The following MIPOL1 variants were observed in gnomAD, a reference collection of about 807,000 sequenced individuals.
MIPOL1 encodes mirror-image polydactyly 1.
In MIPOL1, 57 loss-of-function variants were observed where a neutral mutation model predicts 60.9. The observed-to-expected ratio is 0.94, with a 90% CI of 0.76 to 1.17. The LOEUF (loss-of-function observed/expected upper bound fraction) is 1.17, where lower values mean the gene tolerates loss of function less well. Among genes scored for constraint, MIPOL1 ranks in the 50% most tolerant of loss-of-function variants. The pLI, the probability that MIPOL1 is intolerant of heterozygous loss-of-function variation, is 0.00. For missense variants in MIPOL1, 551 were observed against 511.6 expected (o/e 1.08, Z -0.74); for synonymous variants, 179 against 168.8 (o/e 1.06, Z -0.47).
At chr14:37,422,738 A>T (rs969851483) in intron 10 of MIPOL1, 117 bp from the exon 11 acceptor site, 4 of 670,902 alleles carry the variant, frequency 6.0e-6, no homozygotes, top group Non-Finnish European at 7.6e-6. Context: ...TGCTAAAAAC[A>T]TTCATAGGTT....
chr14:37,238,803 A>T (rs1971901727), intron 1 of MIPOL1, among the ~76,000 whole-genome samples: 2 of 151,260 alleles, frequency 1.3e-5, no homozygotes. Context: ...AAAAAAAAAA[A>T]ATTAGATGGG....
At chr14:37,312,303 G>T (rs922962808) in intron 9 of MIPOL1, among the ~76,000 whole-genome samples, 1 of 152,022 alleles carries the variant, frequency 6.6e-6, no homozygotes, top group East Asian at 1.9e-4. Context: ...TAGAGATGGG[G>T]TTTCATCATG....
chr14:37,448,781 A>T (rs751969430), intron 11 of MIPOL1, among the ~76,000 whole-genome samples: 1 of 152,230 alleles, frequency 6.6e-6, no homozygotes, highest in Admixed American at 6.5e-5. Flanking sequence ...ACTGTTAATT[A>T]TACTAAAAAA....
intron 10 of MIPOL1, among the ~76,000 whole-genome samples, chr14:37,374,656 G>T (rs2092726383): frequency 6.6e-6 from 1 of 152,054 alleles, no homozygotes; most frequent in Non-Finnish European, 1.5e-5. Context: ...TTTCCCGATT[G>T]CTTGTTTTTT....
intron 11 of MIPOL1, among the ~76,000 whole-genome samples, chr14:37,457,198 G>A (rs2094486421): frequency 6.6e-6 from 1 of 152,152 alleles, no homozygotes; most frequent in Non-Finnish European, 1.5e-5. Context: ...GGCTGTAGGT[G>A]AGCTCTCCAG....
At chr14:37,389,652 AT>A (rs1163361676) in intron 10 of MIPOL1, among the ~76,000 whole-genome samples, 6 of 148,226 alleles carry the variant, frequency 4.0e-5, no homozygotes, top group Non-Finnish European at 5.9e-5. Context: ...AGGAGAGCTT[AT>A]TTTTGCAGCC....
At chr14:37,438,931 A>G (rs1343913583) in intron 11 of MIPOL1, among the ~76,000 whole-genome samples, 1 of 152,246 alleles carries the variant, frequency 6.6e-6, no homozygotes, top group African/African-American at 2.4e-5. Flanking sequence ...TTGTTGTTTT[A>G]TCTGTGCTGT....
rs534770248 is a variant in MIPOL1 at position 37,335,081 on chromosome 14, A to G, written c.828+26562A>G. On this transcript the variant is annotated intron_variant, in intron 9 of 12. Coordinates refer to ENST00000684589, the MANE Select transcript of MIPOL1 (RefSeq NM_001388067.1). ...GTAACTAACATTTTGTTGAACTACC[A>G]AACTGTTTTCCAAAGTACCTTTACC... Among the ~76,000 whole-genome samples the G allele has an allele frequency of 2.6e-5, 4 of 152,184 alleles. No homozygotes were observed. In the South Asian group the frequency reaches 8.3e-4, roughly 32 times the overall value.
intron 12 of MIPOL1, chr14:37,505,274 C>A (rs1433887435): frequency 6.6e-6 from 1 of 152,178 alleles, no homozygotes; most frequent in Non-Finnish European, 1.5e-5. Context: ...CATCCTAATA[C>A]CAAAGCCTGT....
At chr14:37,357,832 T>G (rs1039413096) in intron 9 of MIPOL1, among the ~76,000 whole-genome samples, 5 of 152,100 alleles carry the variant, frequency 3.3e-5, no homozygotes, top group African/African-American at 1.2e-4. Flanking sequence ...AGAAATATTT[T>G]TTTCTTTTTT....
chr14:37,202,455 C>T (rs1257982395), intron 1 of MIPOL1, among the ~76,000 whole-genome samples: 1 of 151,898 alleles, frequency 6.6e-6, no homozygotes, highest in Admixed American at 6.6e-5. Context: ...TTTATAAGTC[C>T]CACACAAAGC....
At chr14:37,368,977 T>C (rs933833778) in intron 9 of MIPOL1, among the ~76,000 whole-genome samples, 1 of 152,086 alleles carries the variant, frequency 6.6e-6, no homozygotes, top group Admixed American at 6.6e-5. Context: ...TTAAAAACAC[T>C]CAATTCTTTA....
At chr14:37,391,569 T>A (rs969084809) in intron 10 of MIPOL1, among the ~76,000 whole-genome samples, 2 of 151,862 alleles carry the variant, frequency 1.3e-5, no homozygotes, top group South Asian at 2.1e-4. Context: ...CTAATTTTTT[T>A]ATTTTTAGTA....
At chr14:37,322,057 G>A (rs1433558895) in intron 9 of MIPOL1, among the ~76,000 whole-genome samples, 1 of 151,746 alleles carries the variant, frequency 6.6e-6, no homozygotes, top group African/African-American at 2.4e-5. Context: ...TATTTATTAG[G>A]CATCCCTCTG....
chr14:37,341,755 A>G (rs1215028410), intron 9 of MIPOL1, among the ~76,000 whole-genome samples: 2 of 152,298 alleles, frequency 1.3e-5, no homozygotes, highest in Admixed American at 1.3e-4. Flanking sequence ...CCAAAGTTCT[A>G]ATTTTAAAAT....
rs1432649818 is a variant in MIPOL1, at chr14:37,354,198, T to C, written c.829-15319T>C. On this transcript the variant is annotated intron_variant, in intron 9 of 12. Coordinates refer to ENST00000684589, the MANE Select transcript of MIPOL1 (RefSeq NM_001388067.1). The stretch of plus-strand genomic sequence containing the variant: ...TCATTCAGGAGCAGGTTGTTCAGTT[T>C]CCATGTAGTTGAGCAGTTTTGAGTG... 4.6e-5 allele frequency among the ~76,000 whole-genome samples: 7 copies of C among 152,142 alleles called. No homozygotes were observed. The South Asian group carries it at 1.0e-3, about 23-fold the overall frequency.
intron 10 of MIPOL1, among the ~76,000 whole-genome samples, chr14:37,385,274 GT>G (rs2153514388): frequency 6.6e-6 from 1 of 152,178 alleles, no homozygotes; most frequent in South Asian, 2.1e-4. Flanking sequence ...ACATTTAAAA[GT>G]AGTGAAAAAG....
intron 1 of MIPOL1, among the ~76,000 whole-genome samples, chr14:37,199,343 A>T (rs751319823): frequency 3.3e-5 from 5 of 152,132 alleles, no homozygotes; most frequent in Non-Finnish European, 7.3e-5. Flanking sequence ...AAATGGAGTA[A>T]TATGGTATTT....
At chr14:37,544,920 A>G (rs1239272635) in intron 12 of MIPOL1, among the ~76,000 whole-genome samples, 2 of 152,226 alleles carry the variant, frequency 1.3e-5, no homozygotes, top group Non-Finnish European at 2.9e-5. Context: ...AGGAAACAAA[A>G]GTAAGATGAG....
Sources: gnomAD v4.1 joint callset for allele counts (sites outside exome capture counted in the v4.1 genomes callset) on GRCh38, gnomAD v4.1.1 for gene constraint, MANE v1.5 for transcripts, NCBI Gene and HGNC (gene_info 2026-07-23, HGNC 2026-07-21) for gene names.